Variants in ITGB5 observed in about 807,000 individuals in gnomAD.
ITGB5 encodes the protein integrin subunit beta 5, also known as integrin beta-5.
ITGB5 carries 38 observed loss-of-function variants against 84.8 expected under a neutral mutation model. The observed-to-expected ratio is 0.45, with a 90% CI of 0.35 to 0.59. ITGB5 has a LOEUF of 0.59. Among genes scored for constraint, ITGB5 ranks in the 20% least tolerant of loss-of-function variants. ITGB5 has a pLI of 0.01. For missense variants in ITGB5, 905 were observed against 1,034.5 expected, an observed-to-expected ratio of 0.87 and a Z score of 1.72; for synonymous variants, 393 against 414.4, an observed-to-expected ratio of 0.95 and a Z score of 0.63.
At chr3:124,894,920 T>TA (rs894818165) in intron 1 of ITGB5, among the ~76,000 whole-genome samples, 3 of 151,108 alleles carry the variant, frequency 2.0e-5, no homozygotes, top group South Asian at 2.1e-4. Flanking sequence ...CTGATGAGCT[T>TA]AAAAAAAAAT....
chr3:124,868,268 T>A (rs72974538), intron 2 of ITGB5, among the ~76,000 whole-genome samples: 3,554 of 152,000 alleles, frequency 0.023, 130 homozygotes, highest in African/African-American at 0.081. Flanking sequence ...TGTCTTAAGC[T>A]GTGCTGTACA....
chr3:124,782,201 T>C (rs923290160), intron 10 of ITGB5, among the ~76,000 whole-genome samples: 9 of 152,202 alleles, frequency 5.9e-5, no homozygotes, highest in African/African-American at 2.2e-4. Context: ...GTGGTACAAT[T>C]ATTACTCTAA....
At chr3:124,816,002 A>G (rs1260476173) in intron 8 of ITGB5, among the ~76,000 whole-genome samples, 1 of 152,204 alleles carries the variant, frequency 6.6e-6, no homozygotes, top group Non-Finnish European at 1.5e-5. Context: ...TATGTGGGCA[A>G]TGGGGTAGGA....
At chr3:124,856,764 C>T (rs1375533046) in intron 3 of ITGB5, among the ~76,000 whole-genome samples, 1 of 152,196 alleles carries the variant, frequency 6.6e-6, no homozygotes, top group Admixed American at 6.5e-5. Flanking sequence ...TCTATAACAA[C>T]TCCTATATCC....
intron 1 of ITGB5, among the ~76,000 whole-genome samples, chr3:124,897,608 A>G (rs1450261186): frequency 6.6e-6 from 1 of 152,214 alleles, no homozygotes; most frequent in African/African-American, 2.4e-5. Context: ...GCTTGAGCTC[A>G]GGGATTCAAG....
At chr3:124,879,615 G>A (rs976845649) in intron 1 of ITGB5, among the ~76,000 whole-genome samples, 9 of 152,202 alleles carry the variant, frequency 5.9e-5, no homozygotes, top group Non-Finnish European at 5.9e-5. Flanking sequence ...CAGCCTTACA[G>A]ATCTGACTTC....
At chr3:124,819,320 G>GCCCACTGGTCTCCT (rs2064661011) in intron 7 of ITGB5, among the ~76,000 whole-genome samples, 2 of 152,202 alleles carry the variant, frequency 1.3e-5, no homozygotes, top group Admixed American at 1.3e-4. Flanking sequence ...CGCCAGACTA[G>GCCCACTGGTCTCCT]CCCACTGGTC....
chr3:124,891,314 C>T (rs761752740), upstream of ITGB5, among the ~76,000 whole-genome samples: 8 of 152,092 alleles, frequency 5.3e-5, no homozygotes, highest in Middle Eastern at 3.2e-3. Context: ...GTGGAAACTA[C>T]CCAAGTGTCC....
chr3:124,899,853 CAAAA>C (rs60859904), intron 1 of ITGB5, among the ~76,000 whole-genome samples: 732 of 34,740 alleles, frequency 0.021, no homozygotes, highest in African/African-American at 0.11. Context: ...GACCCTGTCT[CAAAA>C]AAAAAAAAAA....
intron 5 of ITGB5, among the ~76,000 whole-genome samples, chr3:124,823,583 G>T (rs1417860937): frequency 3.3e-5 from 5 of 150,206 alleles, no homozygotes; most frequent in South Asian, 2.1e-4. Context: ...GTGATGTTCT[G>T]TTTCTTGACC....
intron 1 of ITGB5, among the ~76,000 whole-genome samples, chr3:124,885,129 G>A (rs969916449): frequency 6.6e-6 from 1 of 152,098 alleles, no homozygotes; most frequent in Non-Finnish European, 1.5e-5. Context: ...AAATTAGCCG[G>A]GCATGGTCGC....
intron 10 of ITGB5, among the ~76,000 whole-genome samples, chr3:124,780,319 G>A (rs926128453): frequency 2.0e-5 from 3 of 152,208 alleles, no homozygotes; most frequent in Non-Finnish European, 4.4e-5. Flanking sequence ...CAGTGGGGCT[G>A]CAGGAAGGAA....
At chr3:124,782,583 C>G (rs2064019917) in intron 10 of ITGB5, among the ~76,000 whole-genome samples, 1 of 152,168 alleles carries the variant, frequency 6.6e-6, no homozygotes, top group African/African-American at 2.4e-5. Context: ...GTGGGCTGGG[C>G]ACGGTGGCTC....
At chr3:124,807,565 T>G (rs1055173772) in intron 9 of ITGB5, among the ~76,000 whole-genome samples, 1 of 152,156 alleles carries the variant, frequency 6.6e-6, no homozygotes, top group African/African-American at 2.4e-5. Context: ...ATAAGAGGCT[T>G]TCATTTTCTC....
chr3:124,836,133 C>T (rs1242937302), intron 5 of ITGB5, among the ~76,000 whole-genome samples: 1 of 151,912 alleles, frequency 6.6e-6, no homozygotes, highest in East Asian at 1.9e-4. Flanking sequence ...ATGGAGGCAG[C>T]CGATAACAGA....
chr3:124,873,972 T>C (rs539907676), intron 1 of ITGB5, among the ~76,000 whole-genome samples: 77 of 151,628 alleles, frequency 5.1e-4, no homozygotes, highest in Admixed American at 5.0e-3. Context: ...AAATGTACAG[T>C]GTACTGAAAG....
At chr3:124,886,180 A>T (rs548693416) in intron 1 of ITGB5, among the ~76,000 whole-genome samples, 1 of 152,340 alleles carries the variant, frequency 6.6e-6, no homozygotes, top group Non-Finnish European at 1.5e-5. Context: ...CCTCTGCTCC[A>T]GAATCCTCCA....
At chr3:124,809,302 C>G in intron 8 of ITGB5, 146 bp from the exon 9 acceptor site, 1 of 746,858 alleles carries the variant, frequency 1.3e-6, no homozygotes, top group Non-Finnish European at 2.2e-6. Flanking sequence ...GGTTCCCTGG[C>G]CCTCCCTCAT....
chr3:124,832,402 C>T (rs2064872783), intron 5 of ITGB5, among the ~76,000 whole-genome samples: 1 of 152,212 alleles, frequency 6.6e-6, no homozygotes, highest in Admixed American at 6.5e-5. Context: ...CTTGTTTCCT[C>T]ATCAAAGGAG....
Sources: allele counts gnomAD v4.1 joint callset (sites outside exome capture counted in the v4.1 genomes callset), GRCh38; gene constraint gnomAD v4.1.1; transcripts MANE v1.5; gene names NCBI Gene and HGNC (gene_info 2026-07-23, HGNC 2026-07-21).